Variants in NT5C2 observed in about 807,000 individuals in gnomAD.
The protein encoded by NT5C2 is cytosolic purine 5'-nucleotidase.
In NT5C2, 58 loss-of-function variants were observed where a neutral mutation model predicts 76.1. The observed-to-expected ratio is 0.76, with a 90% confidence interval of 0.62 to 0.95. The LOEUF (loss-of-function observed/expected upper bound fraction) is 0.95, where lower values mean the gene tolerates loss of function less well. Among genes scored for constraint, NT5C2 ranks in the 40% least tolerant of loss-of-function variants. The probability of loss-of-function intolerance (pLI) is 0.00; values close to 1 mark genes in which losing one functional copy is unlikely to be tolerated. For synonymous variants in NT5C2, 229 were observed against 237.4 expected (o/e 0.96, Z 0.32); for missense variants, 478 against 690.3 (o/e 0.69, Z 3.45).
chr10:103,129,454 C>T (rs2077501180), intron 4 of NT5C2, among the ~76,000 whole-genome samples: 1 of 110,270 alleles, frequency 9.1e-6, no homozygotes, highest in Non-Finnish European at 2.0e-5. Context: ...CCCGGCCAGC[C>T]ACCCCGTCCG....
intron 3 of NT5C2, among the ~76,000 whole-genome samples, chr10:103,164,584 C>A (rs2085891339): frequency 6.6e-6 from 1 of 152,070 alleles, no homozygotes; most frequent in African/African-American, 2.4e-5. Flanking sequence ...ATTAAAAAAA[C>A]CTAAATGTCC....
At chr10:103,165,317 A>C (rs1044453247) in intron 3 of NT5C2, among the ~76,000 whole-genome samples, 2 of 152,092 alleles carry the variant, frequency 1.3e-5, no homozygotes, top group Non-Finnish European at 2.9e-5. Context: ...AACATGGTGA[A>C]ACTCCATTTC....
intron 3 of NT5C2, among the ~76,000 whole-genome samples, chr10:103,169,118 A>C (rs1321343586): frequency 6.6e-6 from 1 of 152,208 alleles, no homozygotes; most frequent in Non-Finnish European, 1.5e-5. Context: ...CAAAATTGCA[A>C]AGGGATTAGA....
chr10:103,185,825 A>G (rs2091951016), intron 1 of NT5C2, among the ~76,000 whole-genome samples: 1 of 152,186 alleles, frequency 6.6e-6, no homozygotes, highest in Admixed American at 6.5e-5. Context: ...AAATAACCAC[A>G]GACCACAGTA....
chr10:103,182,818 G>A (rs1332644595), intron 1 of NT5C2, among the ~76,000 whole-genome samples: 4 of 152,054 alleles, frequency 2.6e-5, no homozygotes, highest in Admixed American at 2.6e-4. Flanking sequence ...TATTACTCAT[G>A]TTAAACTAGT....
chr10:103,127,282 C>T (rs2076844430), intron 4 of NT5C2, among the ~76,000 whole-genome samples: 2 of 152,194 alleles, frequency 1.3e-5, no homozygotes, highest in Non-Finnish European at 2.9e-5. Context: ...AGGTTCAAGA[C>T]AACCAGGCAA....
At chr10:103,159,288 CACACAATT>C (rs1215784844) in intron 3 of NT5C2, among the ~76,000 whole-genome samples, 2 of 148,438 alleles carry the variant, frequency 1.3e-5, no homozygotes, top group African/African-American at 2.5e-5. Flanking sequence ...CACACACACA[CACACAATT>C]AGAGCTAATA....
At chr10:103,099,435 A>C (rs745321591) in intron 9 of NT5C2, among the ~76,000 whole-genome samples, 2 of 152,206 alleles carry the variant, frequency 1.3e-5, no homozygotes, top group Non-Finnish European at 2.9e-5. Context: ...AGAAGGCCAG[A>C]AAAAAGTAGC....
rs201575845 is a variant in NT5C2, at chr10:103,101,514, A to AT, written c.390-189dup. Reference sequence around the variant, plus strand: ...CAGCTCTTTATTTTTTTTAATTTTAATTTTTTTTTTTTTTTAAGACAGTCT... The same window carrying AT: ...CAGCTCTTTATTTTTTTTAATTTTAATTTTTTTTTTTTTTTTAAGACAGTCT... On this transcript the variant is annotated intron_variant, in intron 6 of 18. Transcript: ENST00000404739. 0.29 allele frequency among the ~76,000 whole-genome samples: 41,650 copies of AT among 143,560 alleles called. 5,987 individuals are homozygous for AT. The highest frequency in any genetic ancestry group is 0.35 in the Middle Eastern group (99 of 280). 94.2% of individuals were successfully genotyped at this position (143,560 alleles called of 152,430 possible).
chr10:103,156,481 G>C (rs1011074167), intron 3 of NT5C2, among the ~76,000 whole-genome samples: 1 of 152,144 alleles, frequency 6.6e-6, no homozygotes, highest in Non-Finnish European at 1.5e-5. Flanking sequence ...GGGGCCACGT[G>C]CCGTGGCTCA....
chr10:103,093,377 A>T, intron 14 of NT5C2, 68 bp from the exon 15 acceptor site: 2 of 1,264,220 alleles, frequency 1.6e-6, no homozygotes, highest in Non-Finnish European at 2.1e-6. Flanking sequence ...ATAGTATTTA[A>T]CCATTAAATA....
intron 4 of NT5C2, among the ~76,000 whole-genome samples, chr10:103,124,708 C>G (rs2076343653): frequency 6.6e-6 from 1 of 151,880 alleles, no homozygotes; most frequent in Non-Finnish European, 1.5e-5. Flanking sequence ...AGTAACAATG[C>G]TGGTGGTCAA....
chr10:103,116,971 GTAT>G (rs1290538354), intron 4 of NT5C2, among the ~76,000 whole-genome samples: 1 of 152,008 alleles, frequency 6.6e-6, no homozygotes, highest in African/African-American at 2.4e-5. Context: ...GATAGTACTG[GTAT>G]TATTATTAGG....
intron 4 of NT5C2, among the ~76,000 whole-genome samples, chr10:103,129,364 C>T (rs1229737217): frequency 1.7e-5 from 2 of 120,570 alleles, no homozygotes; most frequent in African/African-American, 6.3e-5. Flanking sequence ...GTCAGCTCTC[C>T]GCCCGGCCAG....
intron 4 of NT5C2, chr10:103,125,279 T>C (rs1425993657): frequency 1.1e-5 from 7 of 625,084 alleles, no homozygotes; most frequent in Non-Finnish European, 2.0e-5. Context: ...AATGGAACCA[T>C]GCTTCATTGT....
At chr10:103,139,549 G>T in intron 3 of NT5C2, 70 bp from the exon 4 acceptor site, 1 of 1,117,488 alleles carries the variant, frequency 8.9e-7, no homozygotes, top group Non-Finnish European at 1.3e-6. Flanking sequence ...AAAGTTATTT[G>T]GCTATTTTTC....
At chr10:103,177,213 A>G (rs2090148330) in intron 2 of NT5C2, among the ~76,000 whole-genome samples, 2 of 152,222 alleles carry the variant, frequency 1.3e-5, no homozygotes, top group South Asian at 2.1e-4. Context: ...AGCTGGCAAT[A>G]AAGACTATGA....
chr10:103,162,166 C>T (rs1047893966), intron 3 of NT5C2, among the ~76,000 whole-genome samples: 5 of 152,060 alleles, frequency 3.3e-5, no homozygotes, highest in African/African-American at 1.2e-4. Flanking sequence ...CAGGCACGCA[C>T]CACCACGCCC....
intron 4 of NT5C2, among the ~76,000 whole-genome samples, chr10:103,117,334 G>A (rs2074575725): frequency 6.6e-6 from 1 of 152,134 alleles, no homozygotes; most frequent in Admixed American, 6.5e-5. Context: ...ATCGAAATGA[G>A]CCTTCACCCA....
Sources: allele counts gnomAD v4.1 joint callset (sites outside exome capture counted in the v4.1 genomes callset), GRCh38; gene constraint gnomAD v4.1.1; transcripts MANE v1.5; gene names NCBI Gene and HGNC (gene_info 2026-07-23, HGNC 2026-07-21).